Variants in GARRE1 observed in about 807,000 individuals in gnomAD.
The protein encoded by GARRE1 is granule associated Rac and RHOG effector protein 1.
Under a neutral mutation model 103.2 loss-of-function variants are expected in GARRE1, and 49 were observed. The observed-to-expected ratio is 0.47, with a 90% CI of 0.38 to 0.60. The LOEUF is 0.60. GARRE1 is among the 20% of genes least tolerant of loss of function. The pLI is 0.00. For synonymous variants in GARRE1, 505 were observed against 532.8 expected, an observed-to-expected ratio of 0.95 and a Z score of 0.72; for missense variants, 1,199 against 1,370.5, an observed-to-expected ratio of 0.87 and a Z score of 1.98.
At chr19:34,333,853 C>A in intron 8 of GARRE1, 52 bp downstream of exon 8, 1 of 1,065,418 alleles carries the variant, frequency 9.4e-7, no homozygotes, top group Non-Finnish European at 1.5e-6. Context: ...GACGTTTGCA[C>A]ATCTTTGAAA....
chr19:34,289,024 C>T (rs1256043305), intron 1 of GARRE1, among the ~76,000 whole-genome samples: 1 of 151,906 alleles, frequency 6.6e-6, no homozygotes, highest in African/African-American at 2.4e-5. Context: ...CTCCCAGCTA[C>T]TCAGGAGGCT....
At chr19:34,307,609 A>G (rs1337591062) in intron 2 of GARRE1, among the ~76,000 whole-genome samples, 2 of 145,608 alleles carry the variant, frequency 1.4e-5, no homozygotes, top group African/African-American at 5.0e-5. Context: ...GCACACACAT[A>G]CATATATATA....
chr19:34,265,233 G>GAT (rs1197823337), intron 1 of GARRE1, among the ~76,000 whole-genome samples: 1 of 152,200 alleles, frequency 6.6e-6, no homozygotes, highest in African/African-American at 2.4e-5. Context: ...CCCCGAGGTG[G>GAT]ATATATGTTC....
At chr19:34,320,877 C>T (rs2074084322) in intron 3 of GARRE1, among the ~76,000 whole-genome samples, 1 of 149,738 alleles carries the variant, frequency 6.7e-6, no homozygotes, top group Non-Finnish European at 1.5e-5. Context: ...CTCATGCCAC[C>T]ATGTCTAGCT....
intron 1 of GARRE1, among the ~76,000 whole-genome samples, chr19:34,269,973 C>T (rs1264113216): frequency 2.0e-5 from 3 of 152,166 alleles, no homozygotes; most frequent in Admixed American, 2.0e-4. Context: ...TGGTGGACCC[C>T]ACCCCAAAGT....
At chr19:34,264,855 C>A (rs149507585) in intron 1 of GARRE1, among the ~76,000 whole-genome samples, 2 of 152,292 alleles carry the variant, frequency 1.3e-5, no homozygotes, top group Non-Finnish European at 2.9e-5. Context: ...TAACAATCCT[C>A]GTAATGCAGG....
chr19:34,278,057 C>T (rs2073828094), intron 1 of GARRE1, among the ~76,000 whole-genome samples: 1 of 151,862 alleles, frequency 6.6e-6, no homozygotes, highest in Non-Finnish European at 1.5e-5. Flanking sequence ...CAGTTTTAAC[C>T]ATTTTTATTA....
Position 34,352,848 on chromosome 19 carries a change from A to ACCGCCC in GARRE1, c.3108_3109insGCCCCC (p.Thr1036_Pro1037insAlaPro). ...TGCCGCTGCCTTCTCCTATGTGCAG[A>ACCGCCC]CCCCACCCCAGCCCCCACCCCCACC... On this transcript the variant is annotated inframe_insertion, in exon 14 of 14. Transcript: ENST00000299505. 1 of 1,591,634 alleles carries ACCGCCC rather than the reference A, an allele frequency of 6.3e-7. No homozygotes were observed. Among genetic ancestry groups the ACCGCCC allele is most frequent in the Non-Finnish European group, 8.6e-7 (1 of 1,166,616 alleles).
chr19:34,315,756 T>C (rs1013710516), intron 2 of GARRE1, among the ~76,000 whole-genome samples: 1 of 131,038 alleles, frequency 7.6e-6, no homozygotes, highest in Admixed American at 7.6e-5. Flanking sequence ...GTGCTCCAAA[T>C]GGGAAGGCCT....
At chr19:34,316,867 A>G (rs2074062497) in intron 2 of GARRE1, among the ~76,000 whole-genome samples, 1 of 152,232 alleles carries the variant, frequency 6.6e-6, no homozygotes, top group Non-Finnish European at 1.5e-5. Flanking sequence ...CCAAGGTCAA[A>G]CACATCCTAA....
Position 34,353,005 on chromosome 19 carries a change from T to TG in GARRE1, c.*54dup. ...CTGCCTGCCTGCCCGCCCAGAGCTG[T>TG]GGGGATGAGTGTCCCCACCCCAGGG... On this transcript the variant is annotated 3_prime_UTR_variant, in exon 14 of 14. Transcript: ENST00000299505. The TG allele has an allele frequency of 6.9e-7, 1 of 1,458,866 alleles. No individual in the cohort carries two copies. Among genetic ancestry groups the TG allele is most frequent in the Non-Finnish European group, 9.1e-7 (1 of 1,093,512 alleles). 90.4% of individuals were successfully genotyped at this position (1,458,866 alleles called of 1,614,324 possible).
intron 1 of GARRE1, among the ~76,000 whole-genome samples, chr19:34,276,457 G>A (rs919934505): frequency 5.9e-5 from 9 of 152,020 alleles, no homozygotes; most frequent in Non-Finnish European, 1.3e-4. Context: ...GAGTGTGTGT[G>A]GGTATGTGTG....
At chr19:34,261,770 A>G (rs1311683158) in intron 1 of GARRE1, among the ~76,000 whole-genome samples, 1 of 152,120 alleles carries the variant, frequency 6.6e-6, no homozygotes, top group Non-Finnish European at 1.5e-5. Flanking sequence ...GACATTGGAA[A>G]GTGGGAGCAG....
intron 1 of GARRE1, among the ~76,000 whole-genome samples, chr19:34,258,618 A>G (rs2145948566): frequency 6.6e-6 from 1 of 151,860 alleles, no homozygotes; most frequent in South Asian, 2.1e-4. Context: ...CCCCATCTCT[A>G]CTAAAAAAAA....
rs1205039528 is a variant in GARRE1, at chr19:34,342,408, A to G, written c.2474A>G (p.Asp825Gly). ...NNTWPNRDQS[D>G]GVFGMLGEIL... ...ACCTGGCCCAACCGTGACCAAAGTG[A>G]TGGAGTCTTTGGAATGCTGGGAGAG... The change falls in exon 10 of 14, where the codon GAT (aspartate) becomes GGT (glycine). Residue 825 changes from aspartate (D) to glycine (G), a missense_variant. Physicochemically the swap from Asp to Gly is moderately conservative, Grantham distance 94 (BLOSUM62 -1). Transcript: ENST00000299505. 42 of 1,613,988 alleles carry G rather than the reference A, an allele frequency of 2.6e-5. No individual in the cohort carries two copies. The highest frequency in any genetic ancestry group is 3.6e-5 in the Non-Finnish European group (42 of 1,180,000).
intron 10 of GARRE1, among the ~76,000 whole-genome samples, chr19:34,344,123 A>C (rs1332893376): frequency 6.6e-6 from 1 of 152,222 alleles, no homozygotes; most frequent in East Asian, 1.9e-4. Flanking sequence ...CCCACAAAAA[A>C]AACCATCTAA....
chr19:34,291,409 T>A (rs1419804019), intron 1 of GARRE1, among the ~76,000 whole-genome samples: 1 of 152,246 alleles, frequency 6.6e-6, no homozygotes, highest in Admixed American at 6.5e-5. Flanking sequence ...GTGACAAAGA[T>A]GAAGTAATAC....
intron 1 of GARRE1, among the ~76,000 whole-genome samples, chr19:34,283,597 G>T (rs183843903): frequency 2.4e-4 from 37 of 152,290 alleles, no homozygotes; most frequent in African/African-American, 8.2e-4. Flanking sequence ...GAGACAGGCA[G>T]AGAGAGGTTA....
intron 1 of GARRE1, among the ~76,000 whole-genome samples, chr19:34,269,326 G>C (rs915817608): frequency 5.9e-5 from 9 of 152,126 alleles, no homozygotes; most frequent in Admixed American, 4.6e-4. Flanking sequence ...CTGCATCCTG[G>C]GTGCCTGGAG....
Sources: gnomAD v4.1 joint callset for allele counts (sites outside exome capture counted in the v4.1 genomes callset) on GRCh38, gnomAD v4.1.1 for gene constraint, MANE v1.5 for transcripts, NCBI Gene and HGNC (gene_info 2026-07-23, HGNC 2026-07-21) for gene names.